ADAM10: variants seen among roughly 807,000 people sequenced by gnomAD.
ADAM10 encodes the protein ADAM metallopeptidase domain 10.
Under a neutral mutation model 90.1 loss-of-function variants are expected in ADAM10, and 17 were observed. That is an observed-to-expected ratio of 0.19 (90% confidence interval 0.13 to 0.28). ADAM10 has a LOEUF of 0.28. Ranked by LOEUF, ADAM10 falls within the 10% of genes least tolerant of loss-of-function variation. The pLI, the probability that ADAM10 is intolerant of heterozygous loss-of-function variation, is 1.00. For missense variants in ADAM10, 610 were observed against 914.3 expected (o/e 0.67, Z 4.29); for synonymous variants, 310 against 298.6 (o/e 1.04, Z -0.40).
intron 2 of ADAM10, among the ~76,000 whole-genome samples, chr15:58,685,970 A>G (rs960182111): frequency 1.5e-4 from 23 of 152,122 alleles, no homozygotes; most frequent in African/African-American, 4.8e-4. Flanking sequence ...TTGCCTACCC[A>G]CCTCAAAAAT....
intron 2 of ADAM10, among the ~76,000 whole-genome samples, chr15:58,695,080 A>C (rs28576281): frequency 0.28 from 43,276 of 152,058 alleles, 8,803 homozygotes; most frequent in African/African-American, 0.57. Context: ...AAAACTGTGT[A>C]CATTTTTAAA....
chr15:58,718,113 A>C (rs1394417688), intron 1 of ADAM10, among the ~76,000 whole-genome samples: 7 of 152,186 alleles, frequency 4.6e-5, no homozygotes, highest in Admixed American at 3.9e-4. Context: ...CCTGGTCAAC[A>C]TAGCAAGACT....
chr15:58,730,052 G>A (rs11637189), intron 1 of ADAM10, among the ~76,000 whole-genome samples: 71 of 149,294 alleles, frequency 4.8e-4, no homozygotes, highest in Non-Finnish European at 8.7e-4. Flanking sequence ...TTAGGAAATC[G>A]TAAGCATAAT....
chr15:58,604,305 G>A (rs1895203225), intron 14 of ADAM10, among the ~76,000 whole-genome samples: 1 of 152,106 alleles, frequency 6.6e-6, no homozygotes. Flanking sequence ...TGGTTGCAGT[G>A]AGCCGAGATT....
At chr15:58,622,329 TA>T (rs1204493431) in intron 10 of ADAM10, among the ~76,000 whole-genome samples, 4 of 152,230 alleles carry the variant, frequency 2.6e-5, no homozygotes, top group Non-Finnish European at 5.9e-5. Flanking sequence ...AATGTCTCTT[TA>T]CAATTTGTTG....
chr15:58,660,509 G>T (rs1303296713), intron 5 of ADAM10, among the ~76,000 whole-genome samples: 1 of 151,546 alleles, frequency 6.6e-6, no homozygotes. Flanking sequence ...ATTGAGACAG[G>T]GTCTCGCTGT....
intron 14 of ADAM10, among the ~76,000 whole-genome samples, chr15:58,606,765 T>C (rs1411831780): frequency 6.6e-6 from 1 of 152,220 alleles, no homozygotes; most frequent in Non-Finnish European, 1.5e-5. Context: ...GAATGGAACG[T>C]AAGAATTTGC....
At chr15:58,644,116 T>C (rs1199932049) in intron 6 of ADAM10, 138 bp from the exon 7 acceptor site, 1 of 675,166 alleles carries the variant, frequency 1.5e-6, no homozygotes, top group Admixed American at 2.5e-5. Context: ...ATACTGGACA[T>C]AAATATAAAA....
chr15:58,646,306 A>C, intron 5 of ADAM10, 102 bp from the exon 6 acceptor site: 1 of 1,181,496 alleles, frequency 8.5e-7, no homozygotes, highest in Non-Finnish European at 1.2e-6. Context: ...TCTGCTTTAT[A>C]TAACACCATA....
chr15:58,746,461 T>C (rs1267104928), intron 1 of ADAM10, among the ~76,000 whole-genome samples: 2 of 152,240 alleles, frequency 1.3e-5, no homozygotes, highest in Non-Finnish European at 2.9e-5. Context: ...CAATGGTACC[T>C]TCCTACAACT....
At chr15:58,708,607 G>A (rs1163947959) in intron 2 of ADAM10, among the ~76,000 whole-genome samples, 5 of 152,196 alleles carry the variant, frequency 3.3e-5, no homozygotes, top group African/African-American at 9.7e-5. Flanking sequence ...AGGCCAGCCT[G>A]AGCAACAAAG....
intron 8 of ADAM10, 52 bp from the exon 9 acceptor site, chr15:58,633,411 C>T (rs753152799): frequency 6.7e-7 from 1 of 1,485,994 alleles, no homozygotes. Context: ...CCCTTACCCC[C>T]AAAAAGGTAA....
rs1405515709 is a variant in ADAM10 at position 58,679,290 on chromosome 15, T to C, written c.326-8A>G. The stretch of plus-strand genomic sequence containing the variant: ...TAAAACTTCCTTCTTCACCTATTAA[T>C]GAAAGCAACAAATTCTTGACAATTT... On this transcript the variant is annotated splice_region_variant and splice_polypyrimidine_tract_variant and intron_variant, in intron 3 of 15. Transcript: ENST00000260408. 6.2e-7 allele frequency: 1 copy of C among 1,613,660 alleles called. No individual in the cohort carries two copies. Among genetic ancestry groups the C allele is most frequent in the African/African-American group, 1.3e-5 (1 of 75,026 alleles).
chr15:58,659,997 G>A (rs1896929873), intron 5 of ADAM10, among the ~76,000 whole-genome samples: 1 of 152,028 alleles, frequency 6.6e-6, no homozygotes, highest in Non-Finnish European at 1.5e-5. Context: ...CAAAGTGCTG[G>A]GATTACAGGT....
At chr15:58,748,050 G>C (rs1456388028) in intron 1 of ADAM10, 1 of 151,866 alleles carries the variant, frequency 6.6e-6, no homozygotes, top group East Asian at 1.9e-4. Flanking sequence ...CTAACAGAGA[G>C]TCTCCCGCAC....
In ADAM10 at chr15:58,696,461, TC is replaced by T. The variant is rs1567000113; in HGVS notation, c.207-14148del. On this transcript the variant is annotated intron_variant, in intron 2 of 15. Transcript: ENST00000260408. Reference sequence around the variant, plus strand: ...CTTGATACTGATTTCTTTTTTTCTTTCTTTCTTTTTTTTTTTTTCCCAAGAT... The same window carrying T: ...CTTGATACTGATTTCTTTTTTTCTTTTTTCTTTTTTTTTTTTTCCCAAGAT... Among the ~76,000 whole-genome samples, 20 of 146,526 alleles carry T rather than the reference TC, an allele frequency of 1.4e-4. 1 individual carries two copies. Among genetic ancestry groups the T allele is most frequent in the South Asian group, 6.3e-4 (3 of 4,784 alleles).
chr15:58,625,912 T>C (rs1267259477), intron 10 of ADAM10, among the ~76,000 whole-genome samples: 1 of 152,212 alleles, frequency 6.6e-6, no homozygotes, highest in East Asian at 1.9e-4. Flanking sequence ...CAAAAGGTTG[T>C]ATGCTGTCTG....
chr15:58,653,233 G>C (rs1433199314), intron 5 of ADAM10, among the ~76,000 whole-genome samples: 6 of 152,060 alleles, frequency 3.9e-5, no homozygotes, highest in African/African-American at 9.7e-5. Context: ...GATTGCTCTA[G>C]CTAGGACCTC....
chr15:58,599,461 A>G, intron 15 of ADAM10, 137 bp downstream of exon 15: 1 of 1,087,660 alleles, frequency 9.2e-7, no homozygotes, highest in Non-Finnish European at 1.4e-6. Context: ...AATATCAACT[A>G]AATCATTCAT....
Sources: allele counts gnomAD v4.1 joint callset (sites outside exome capture counted in the v4.1 genomes callset), GRCh38; gene constraint gnomAD v4.1.1; transcripts MANE v1.5; gene names NCBI Gene and HGNC (gene_info 2026-07-23, HGNC 2026-07-21).